OSBPL3: variants seen among roughly 807,000 people sequenced by gnomAD.
OSBPL3 encodes the protein oxysterol binding protein like 3.
OSBPL3 carries 65 observed loss-of-function variants against 120.1 expected under a neutral mutation model. That is an observed-to-expected ratio of 0.54 (90% CI 0.44 to 0.67). OSBPL3 has a LOEUF of 0.67. Among genes scored for constraint, OSBPL3 ranks in the 30% least tolerant of loss-of-function variants. The probability of loss-of-function intolerance (pLI) is 0.00; values close to 1 mark genes in which losing one functional copy is unlikely to be tolerated. For missense variants in OSBPL3, 1,004 were observed against 1,082.1 expected (o/e 0.93, Z 1.01); for synonymous variants, 416 against 402.6 (o/e 1.03, Z -0.40).
chr7:24,828,006 T>C (rs540197747), intron 16 of OSBPL3, among the ~76,000 whole-genome samples: 69 of 152,178 alleles, frequency 4.5e-4, no homozygotes, highest in Non-Finnish European at 3.1e-4. Flanking sequence ...CTCTGCCTTG[T>C]CAACACTCCT....
intron 1 of OSBPL3, among the ~76,000 whole-genome samples, chr7:24,961,238 T>G (rs980684120): frequency 4.6e-5 from 7 of 152,170 alleles, no homozygotes; most frequent in African/African-American, 7.2e-5. Context: ...TGGCTGACCA[T>G]TCAGCCAAAA....
chr7:24,917,468 TACACAC>T lies in OSBPL3; in HGVS notation c.-149-24853_-149-24848del, dbSNP rs10573041. On this transcript the variant is annotated intron_variant, in intron 1 of 22. Transcript: ENST00000313367. ...ATATACACACACATATATATATATA[TACACAC>T]ACACACACACACACTTAAACAGGGA... Among the ~76,000 whole-genome samples the T allele has an allele frequency of 3.7e-4, 41 of 111,820 alleles. No homozygotes were observed. The South Asian group carries it at 9.7e-3, about 27-fold the overall frequency. 73.4% of individuals were successfully genotyped at this position (111,820 alleles called of 152,430 possible). A position where few individuals can be genotyped will look rare whatever the true frequency, so the allele number is the denominator to read the frequency against.
At chr7:24,807,250 TG>T (rs1482081790) in intron 20 of OSBPL3, among the ~76,000 whole-genome samples, 1 of 152,188 alleles carries the variant, frequency 6.6e-6, no homozygotes, top group Non-Finnish European at 1.5e-5. Context: ...CCCAGCACTT[TG>T]GGAGGCTGAG....
chr7:24,957,681 A>G (rs762114802), intron 1 of OSBPL3, among the ~76,000 whole-genome samples: 4 of 151,986 alleles, frequency 2.6e-5, no homozygotes, highest in Non-Finnish European at 2.9e-5. Context: ...TCTGTAAAAC[A>G]CAAATAAAAA....
rs1816418366 is a variant in OSBPL3, at chr7:24,966,677, C to A, written c.-150+13209G>T. On this transcript the variant is annotated intron_variant, in intron 1 of 22. Coordinates refer to ENST00000313367, the MANE Select transcript of OSBPL3 (RefSeq NM_015550.4). This position sits in a 1 kb window ranked among gnomAD's most constrained non-coding sequence, Gnocchi z 4.8. ...ACACAAAACAAAATTAAAGAAGACA[C>A]TGGCCCAGAGAAAGACTGAGCTGAA... 6.6e-6 allele frequency among the ~76,000 whole-genome samples: 1 copy of A among 152,174 alleles called. No individual in the cohort carries two copies. The highest frequency in any genetic ancestry group is 1.5e-5 in the Non-Finnish European group (1 of 68,028).
At position 24,805,828 on chromosome 7, in the gene OSBPL3, G is replaced by A. The variant is rs1305023390; in HGVS notation, c.2444+948C>T. 1.3e-5 allele frequency among the ~76,000 whole-genome samples: 2 copies of A among 152,120 alleles called. No individual in the cohort carries two copies. The highest frequency in any genetic ancestry group is 6.5e-5 in the Admixed American group (1 of 15,284). ...TCCCTATGTCCATTTTTTCTAATGGGTTGATCTGTTACTAGATTTCTAGAG... is the reference window on the plus strand; with the variant it reads ...TCCCTATGTCCATTTTTTCTAATGGATTGATCTGTTACTAGATTTCTAGAG... On this transcript the variant is annotated intron_variant, in intron 21 of 22. Transcript: ENST00000313367. This position sits in a 1 kb window ranked among gnomAD's most constrained non-coding sequence, Gnocchi z 4.0.
intron 16 of OSBPL3, among the ~76,000 whole-genome samples, chr7:24,823,111 T>C (rs1795309096): frequency 6.6e-6 from 1 of 152,214 alleles, no homozygotes; most frequent in South Asian, 2.1e-4. Context: ...GGGAAAGGTT[T>C]TTGTTGTTCC....
At chr7:24,909,775 T>TTTTTC (rs757517253) in intron 1 of OSBPL3, among the ~76,000 whole-genome samples, 4 of 136,186 alleles carry the variant, frequency 2.9e-5, no homozygotes, top group African/African-American at 8.2e-5. Context: ...ACTGTTTTTT[T>TTTTTC]TTTCTTTCTT....
Position 24,947,782 on chromosome 7 carries a change from A to T in OSBPL3, c.-150+32104T>A, listed in dbSNP as rs1348124684. 2.5e-5 allele frequency among the ~76,000 whole-genome samples: 2 copies of T among 79,310 alleles called. No individual in the cohort carries two copies. Among genetic ancestry groups the T allele is most frequent in the African/African-American group, 8.2e-5 (2 of 24,510 alleles). The allele number at this position is 79,310 out of a possible 152,430, so 52.0% of individuals were successfully genotyped here. On this transcript the variant is annotated intron_variant, in intron 1 of 22. Transcript: ENST00000313367. This position sits in a 1 kb window ranked among gnomAD's most constrained non-coding sequence, Gnocchi z 4.4. ...ATACATACATATCCAATTAAATCAC[A>T]CACACACACACACACACACACACAC... is the stretch of plus-strand genomic sequence containing the variant.
At chr7:24,903,003 G>A (rs527492790) in intron 1 of OSBPL3, among the ~76,000 whole-genome samples, 2 of 152,298 alleles carry the variant, frequency 1.3e-5, no homozygotes, top group South Asian at 2.1e-4. Flanking sequence ...CAAAAACTCC[G>A]TGGAATAAGA....
rs1035916112 is a variant in OSBPL3 at position 24,946,802 on chromosome 7, G to T, written c.-150+33084C>A. Reference sequence around the variant, plus strand: ...TGGATTCATGAGCTGAAGTAGCAGGGATGTGTGGGAGAAAGAGAAAGAGGA... The same window carrying T: ...TGGATTCATGAGCTGAAGTAGCAGGTATGTGTGGGAGAAAGAGAAAGAGGA... On this transcript the variant is annotated intron_variant, in intron 1 of 22. Transcript: ENST00000313367. This position sits in a 1 kb window ranked among gnomAD's most constrained non-coding sequence, Gnocchi z 4.3. Among the ~76,000 whole-genome samples, 1 of 152,014 alleles carries T rather than the reference G, an allele frequency of 6.6e-6. No individual in the cohort carries two copies. The highest frequency in any genetic ancestry group is 1.5e-5 in the Non-Finnish European group (1 of 68,024).
chr7:24,943,383 AAAGG>A (rs767607076), intron 1 of OSBPL3, among the ~76,000 whole-genome samples: 1 of 152,238 alleles, frequency 6.6e-6, no homozygotes, highest in Admixed American at 6.5e-5. Flanking sequence ...TTAAAGGCTT[AAAGG>A]AAGGACAAAA....
rs1454609058 is a variant in OSBPL3, at chr7:24,796,757, G to T, written c.*3426C>A. The T allele has an allele frequency of 2.0e-5, 3 of 152,158 alleles. No individual in the cohort carries two copies. The East Asian group carries it at 5.8e-4, about 29-fold the overall frequency. 9.4% of individuals were successfully genotyped at this position (152,158 alleles called of 1,614,324 possible). A position where few individuals can be genotyped will look rare whatever the true frequency, so the allele number is the denominator to read the frequency against. On this transcript the variant is annotated 3_prime_UTR_variant, in exon 23 of 23. Transcript: ENST00000313367. The surrounding 1 kb of genome is among the most constrained non-coding windows in gnomAD (Gnocchi z 5.2). ...AATAAATTAGCCACTTCTGATCACT[G>T]CATTCCCCAAAGTCTCTGAAAATGG...
At chr7:24,874,075 T>A (rs187573132) in intron 2 of OSBPL3, among the ~76,000 whole-genome samples, 1 of 152,222 alleles carries the variant, frequency 6.6e-6, no homozygotes, top group African/African-American at 2.4e-5. Context: ...GTGAATAGTA[T>A]GCATCTGATT....
In OSBPL3 at chr7:24,865,385, T is replaced by C. The variant is rs764576300; in HGVS notation, c.630A>G (p.Pro210=). The C allele has an allele frequency of 3.7e-6, 6 of 1,613,716 alleles. No homozygotes were observed. The Admixed American group carries it at 5.0e-5, about 13-fold the overall frequency. ...TGTCCTCTGAAGACTGTAACCATAATGGAACTCGTGTCTCACCACCACAAG... is the reference window on the plus strand; with the variant it reads ...TGTCCTCTGAAGACTGTAACCATAACGGAACTCGTGTCTCACCACCACAAG... ...SFSCGGETRV[P]LWLQSSEDME... Residue 210 remains proline, a synonymous_variant, in exon 7 of 23, where the codon CCA becomes CCG. Coordinates refer to ENST00000313367, the MANE Select transcript of OSBPL3 (RefSeq NM_015550.4).
At chr7:24,816,325 G>C (rs370009832) in intron 18 of OSBPL3, among the ~76,000 whole-genome samples, 5 of 152,230 alleles carry the variant, frequency 3.3e-5, no homozygotes, top group South Asian at 4.1e-4. Context: ...ACTGCGCCCA[G>C]CTAAAACCAC....
rs1329431777 is a variant in OSBPL3, at chr7:24,866,130, G to A, written c.489C>T (p.Phe163=). ...AAGAGTCTGTGATGGTGGACCCTGA[G>A]AAAAAGTGGTTAACTTCATGTGGAA... ...AMFPHEVNHF[F]SGSTITDSSS... is the part of the protein sequence containing the mutation. The change falls in exon 6 of 23, where the codon TTC becomes TTT. Residue 163 remains phenylalanine (F), a synonymous_variant. Transcript: ENST00000313367. 6.2e-7 allele frequency: 1 copy of A among 1,613,636 alleles called. No individual in the cohort carries two copies. The highest frequency in any genetic ancestry group is 8.5e-7 in the Non-Finnish European group (1 of 1,179,650).
At chr7:24,902,936 A>G (rs1005969459) in intron 1 of OSBPL3, among the ~76,000 whole-genome samples, 46 of 152,266 alleles carry the variant, frequency 3.0e-4, no homozygotes, top group African/African-American at 9.4e-4. Flanking sequence ...CTGTGCTCCA[A>G]TTCTCTCAAC....
In OSBPL3 at chr7:24,846,280, C is replaced by T. The variant is rs115775872; in HGVS notation, c.1266+2789G>A. Among the ~76,000 whole-genome samples the T allele has an allele frequency of 2.8e-3, 421 of 152,250 alleles. 2 individuals are homozygous for T. The highest frequency in any genetic ancestry group is 8.6e-3 in the African/African-American group (359 of 41,550). On this transcript the variant is annotated intron_variant, in intron 12 of 22. Transcript: ENST00000313367. ...ATTGAGAAAAGGATTGCTTTGGCCT[C>T]GTTAGATGTGAATTTAAATCTCAGC...
Sources: gnomAD v4.1 joint callset for allele counts (sites outside exome capture counted in the v4.1 genomes callset) on GRCh38, gnomAD v4.1.1 for gene constraint, Gnocchi (gnomAD v3.1) non-coding constraint, MANE v1.5 for transcripts, NCBI Gene and HGNC (gene_info 2026-07-23, HGNC 2026-07-21) for gene names.